Variants in MYO1E observed in about 807,000 individuals in gnomAD.
MYO1E encodes myosin IE, also known as unconventional myosin-Ie.
A neutral mutation model predicts 151.1 loss-of-function variants in MYO1E; 68 were observed. The ratio of observed to expected loss-of-function variants is 0.45; its 90% CI spans 0.37 to 0.55. The LOEUF is 0.55. MYO1E is among the 20% of genes least tolerant of loss of function. The probability of loss-of-function intolerance (pLI) is 0.00; values close to 1 mark genes in which losing one functional copy is unlikely to be tolerated. For synonymous variants in MYO1E, 601 were observed against 501.7 expected (o/e 1.20, Z -2.64); for missense variants, 1,363 against 1,389.3 (o/e 0.98, Z 0.30).
Position 59,132,706 on chromosome 15 carries a change from ATCTCTATACTTTAGT to A in MYO1E, c.*4659_*4673del, listed in dbSNP as rs1566960087. On this transcript the variant is annotated 3_prime_UTR_variant, in exon 28 of 28. Coordinates refer to ENST00000288235, the MANE Select transcript of MYO1E (RefSeq NM_004998.4). ...TTGGGTTTGATTTTAAGTAGTGGTGATCTCTATACTTTAGTTTCTGTACCTGTGAAGTGGGGATAA... is the reference window on the plus strand; with the variant it reads ...TTGGGTTTGATTTTAAGTAGTGGTGATTCTGTACCTGTGAAGTGGGGATAA... The A allele has an allele frequency of 1.3e-5, 2 of 152,234 alleles. No individual in the cohort carries two copies. The highest frequency in any genetic ancestry group is 2.9e-5 in the Non-Finnish European group (2 of 68,046). 9.4% of individuals were successfully genotyped at this position (152,234 alleles called of 1,614,324 possible). A position where few individuals can be genotyped will look rare whatever the true frequency, so the allele number is the denominator to read the frequency against.
chr15:59,217,046 C>T (rs780400766), intron 10 of MYO1E, among the ~76,000 whole-genome samples: 69 of 152,214 alleles, frequency 4.5e-4, no homozygotes, highest in African/African-American at 1.6e-3. Context: ...CATGGGCAAT[C>T]CATCTTTCAG....
At position 59,261,499 on chromosome 15, in the gene MYO1E, C is replaced by T; in HGVS notation, c.158G>A (p.Gly53Glu). ...YMDDYIFTYI[G>E]SVLISVNPFK... ...AGGGTTGACTGAGATTAATACAGAT[C>T]CTATATATGTCTGAATTTAACTCAG... The change falls in exon 3 of 28, where the codon GGA (glycine) becomes GAA (glutamate). Residue 53 changes from glycine to glutamate, a missense_variant. Transcript: ENST00000288235. 1.3e-6 allele frequency: 2 copies of T among 1,597,006 alleles called. No individual in the cohort carries two copies. Among genetic ancestry groups the T allele is most frequent in the Non-Finnish European group, 1.7e-6 (2 of 1,164,708 alleles).
At chr15:59,257,180 A>T (rs1450479983) in intron 3 of MYO1E, among the ~76,000 whole-genome samples, 2 of 152,244 alleles carry the variant, frequency 1.3e-5, no homozygotes, top group African/African-American at 4.8e-5. Context: ...TACTAAAAAG[A>T]GAAATACTTT....
rs2079367430 is a variant in MYO1E at position 59,135,578 on chromosome 15, A to G, written c.*1802T>C. The G allele has an allele frequency of 6.6e-6, 1 of 152,250 alleles. No individual in the cohort carries two copies. The highest frequency in any genetic ancestry group is 1.5e-5 in the Non-Finnish European group (1 of 68,044). The allele number at this position is 152,250 out of a possible 1,614,324, so 9.4% of individuals were successfully genotyped here. ...CTCTACTTTCCTCTCTGGTCGCAAC[A>G]TGGAACTGAAGTAGCCTTTTAACAT... On this transcript the variant is annotated 3_prime_UTR_variant, in exon 28 of 28. Coordinates refer to ENST00000288235, the MANE Select transcript of MYO1E (RefSeq NM_004998.4).
chr15:59,207,083 G>A (rs1384433013), intron 14 of MYO1E: 2 of 1,614,238 alleles, frequency 1.2e-6, no homozygotes, highest in Non-Finnish European at 8.5e-7. Flanking sequence ...ACCCCCGTGA[G>A]CAAGATGGCG....
At chr15:59,247,927 G>C (rs1413358213) in intron 4 of MYO1E, among the ~76,000 whole-genome samples, 1 of 152,018 alleles carries the variant, frequency 6.6e-6, no homozygotes, top group African/African-American at 2.4e-5. Context: ...TTCAAGACCA[G>C]CCTGGCCAAC....
At chr15:59,279,846 G>T (rs911822297) in intron 1 of MYO1E, among the ~76,000 whole-genome samples, 1 of 152,202 alleles carries the variant, frequency 6.6e-6, no homozygotes, top group South Asian at 2.1e-4. Context: ...GTATTTATAT[G>T]CACTATCTCT....
At chr15:59,175,864 C>G (rs1596352530) in intron 19 of MYO1E, among the ~76,000 whole-genome samples, 1 of 151,982 alleles carries the variant, frequency 6.6e-6, no homozygotes, top group Admixed American at 6.6e-5. Context: ...TTTTAAAAGC[C>G]CAGGGGGTTA....
intron 1 of MYO1E, among the ~76,000 whole-genome samples, chr15:59,282,805 G>A (rs773255495): frequency 5.7e-5 from 8 of 141,266 alleles, no homozygotes; most frequent in Admixed American, 3.6e-4. Context: ...CCGTGACTGC[G>A]TTACTGCACT....
intron 2 of MYO1E, among the ~76,000 whole-genome samples, chr15:59,268,720 A>ATTTTTTT (rs398027512): frequency 0.1 from 4,476 of 44,768 alleles, 1,638 homozygotes; most frequent in Non-Finnish European, 0.16. Context: ...TGACTTTGGT[A>ATTTTTTT]TTTTTTTTTT....
intron 1 of MYO1E, among the ~76,000 whole-genome samples, chr15:59,367,752 C>T (rs895621357): frequency 2.0e-5 from 3 of 152,200 alleles, no homozygotes; most frequent in African/African-American, 7.2e-5. Flanking sequence ...CATGTTAAGA[C>T]TTACAATAAA....
At chr15:59,339,030 G>T (rs2080747359) in intron 1 of MYO1E, among the ~76,000 whole-genome samples, 1 of 152,196 alleles carries the variant, frequency 6.6e-6, no homozygotes, top group Admixed American at 6.5e-5. Context: ...TACTGGGGAG[G>T]CTGAGGCATG....
intron 10 of MYO1E, among the ~76,000 whole-genome samples, chr15:59,216,691 T>TATAC (rs372780433): frequency 7.1e-5 from 4 of 56,538 alleles, no homozygotes; most frequent in South Asian, 7.4e-4. Flanking sequence ...TATATACACA[T>TATAC]ACACACACAC....
intron 1 of MYO1E, among the ~76,000 whole-genome samples, chr15:59,371,122 G>C (rs1250169424): frequency 1.3e-5 from 2 of 152,216 alleles, no homozygotes; most frequent in African/African-American, 2.4e-5. Context: ...AAAAAGAAAA[G>C]GCTTTGGCCG....
chr15:59,144,496 T>C (rs1302381655), intron 26 of MYO1E, among the ~76,000 whole-genome samples: 6 of 152,158 alleles, frequency 3.9e-5, no homozygotes, highest in African/African-American at 9.7e-5. Context: ...AGTTTTGCCA[T>C]GTTGCCCAGG....
At chr15:59,250,853 T>C (rs1171347237) in intron 4 of MYO1E, among the ~76,000 whole-genome samples, 1 of 152,154 alleles carries the variant, frequency 6.6e-6, no homozygotes, top group Non-Finnish European at 1.5e-5. Flanking sequence ...CTCTGCCACC[T>C]GAACAGCTGG....
intron 12 of MYO1E, among the ~76,000 whole-genome samples, chr15:59,210,987 G>C (rs1264255463): frequency 6.6e-6 from 1 of 152,100 alleles, no homozygotes; most frequent in Non-Finnish European, 1.5e-5. Context: ...GGATCACAAG[G>C]TCAGGAGTTC....
intron 26 of MYO1E, among the ~76,000 whole-genome samples, chr15:59,149,342 C>T (rs998597561): frequency 6.6e-6 from 1 of 152,126 alleles, no homozygotes; most frequent in Non-Finnish European, 1.5e-5. Flanking sequence ...AGGCGTGAGC[C>T]ACCGCGCCCG....
At chr15:59,280,155 AAAG>A (rs2080344799) in intron 1 of MYO1E, among the ~76,000 whole-genome samples, 1 of 152,206 alleles carries the variant, frequency 6.6e-6, no homozygotes, top group African/African-American at 2.4e-5. Flanking sequence ...AGGCTCCCAG[AAAG>A]AAGAGACACG....
Sources: allele counts gnomAD v4.1 joint callset (sites outside exome capture counted in the v4.1 genomes callset), GRCh38; gene constraint gnomAD v4.1.1; transcripts MANE v1.5; gene names NCBI Gene and HGNC (gene_info 2026-07-23, HGNC 2026-07-21).